The following LGR5 variants were observed in gnomAD, a reference collection of about 807,000 sequenced individuals.
LGR5 encodes leucine-rich repeat-containing G protein-coupled receptor 5.
A neutral mutation model predicts 76.7 loss-of-function variants in LGR5; 54 were observed. That is an observed-to-expected ratio of 0.70 (90% CI 0.57 to 0.88). The LOEUF (loss-of-function observed/expected upper bound fraction) is 0.88. Ranked by LOEUF, LGR5 falls within the 40% of genes least tolerant of loss-of-function variation. The pLI, the probability that LGR5 is intolerant of heterozygous loss-of-function variation, is 0.00. For missense variants in LGR5, 1,078 were observed against 1,073.3 expected (o/e 1.00, Z -0.06); for synonymous variants, 406 against 421.9 (o/e 0.96, Z 0.46).
intron 4 of LGR5, among the ~76,000 whole-genome samples, chr12:71,551,590 G>A (rs1592537199): frequency 6.6e-6 from 1 of 152,344 alleles, no homozygotes; most frequent in East Asian, 1.9e-4. Context: ...TAGTTTGAGT[G>A]ATGTTGGTTC....
intron 16 of LGR5, 123 bp downstream of exon 16, chr12:71,580,546 A>G: frequency 1.0e-6 from 1 of 995,652 alleles, no homozygotes; most frequent in Admixed American, 2.4e-5. Context: ...CTGTAATCCC[A>G]ACAGTTTGGG....
rs993031477 is a variant in LGR5 at position 71,585,991 on chromosome 12, A to G, written c.*1257A>G. 1 of 152,210 alleles carries G rather than the reference A, an allele frequency of 6.6e-6. No individual in the cohort carries two copies. The highest frequency in any genetic ancestry group is 2.4e-5 in the African/African-American group (1 of 41,456). The allele number at this position is 152,210 out of a possible 1,614,324, so 9.4% of individuals were successfully genotyped here. A position where few individuals can be genotyped will look rare whatever the true frequency, so the allele number is the denominator to read the frequency against. ...ATGGCTGTTAGGTAGATTTATTTTT[A>G]TATAAGCATGTTTATTTTGATCAGA... On this transcript the variant is annotated 3_prime_UTR_variant, in exon 18 of 18. Coordinates refer to ENST00000266674, the MANE Select transcript of LGR5 (RefSeq NM_003667.4).
intron 1 of LGR5, among the ~76,000 whole-genome samples, chr12:71,486,954 G>A (rs1873857116): frequency 6.6e-6 from 1 of 152,112 alleles, no homozygotes; most frequent in Non-Finnish European, 1.5e-5. Context: ...CTAAGTTAAG[G>A]ATTTCACTAG....
At chr12:71,494,120 C>CT (rs945394010) in intron 1 of LGR5, among the ~76,000 whole-genome samples, 2 of 136,682 alleles carry the variant, frequency 1.5e-5, no homozygotes, top group Non-Finnish European at 3.3e-5. Flanking sequence ...ATTTTTTATA[C>CT]TTTTTTTAGT....
rs1879189105 is a variant in LGR5, at chr12:71,583,742, G to T, written c.1732G>T (p.Val578Leu). ...TCTGGCACTTACTTGTAATGCTTTG[G>T]TGACTTCAACAGTTTTCAGATCCCC... Reference protein sequence around the residue: ...AVLALTCNALVTSTVFRSPLY... With the variant: ...AVLALTCNALLTSTVFRSPLY... The change falls in exon 18 of 18, where the codon GTG becomes TTG. Residue 578 changes from valine (V) to leucine (L), a missense_variant. Coordinates refer to ENST00000266674, the MANE Select transcript of LGR5 (RefSeq NM_003667.4). 14 of 1,614,126 alleles carry T rather than the reference G, an allele frequency of 8.7e-6. No individual in the cohort carries two copies. The highest frequency in any genetic ancestry group is 1.2e-5 in the Non-Finnish European group (14 of 1,180,016).
intron 1 of LGR5, among the ~76,000 whole-genome samples, chr12:71,466,284 A>G (rs1330171088): frequency 1.3e-5 from 2 of 152,248 alleles, no homozygotes; most frequent in Non-Finnish European, 2.9e-5. Flanking sequence ...TTACTTCTGT[A>G]TCATCAACTC....
chr12:71,451,930 C>G (rs1872267501), intron 1 of LGR5, among the ~76,000 whole-genome samples: 1 of 152,080 alleles, frequency 6.6e-6, no homozygotes, highest in African/African-American at 2.4e-5. Context: ...CTTTCCCAGG[C>G]TCTTTCAGGG....
chr12:71,575,479 T>A (rs1287171695), intron 13 of LGR5, among the ~76,000 whole-genome samples: 2 of 152,020 alleles, frequency 1.3e-5, no homozygotes, highest in African/African-American at 2.4e-5. Context: ...GAGGCTGAAG[T>A]GGGCAGAACA....
intron 2 of LGR5, among the ~76,000 whole-genome samples, chr12:71,523,269 C>T (rs531990277): frequency 2.6e-4 from 39 of 152,116 alleles, no homozygotes; most frequent in African/African-American, 9.2e-4. Flanking sequence ...CAAAGGTATA[C>T]ATTTGAGGCT....
Position 71,572,831 on chromosome 12 carries a change from T to G in LGR5, c.1137-19T>G, listed in dbSNP as rs753270973. The G allele has an allele frequency of 1.1e-5, 18 of 1,603,682 alleles. No homozygotes were observed. The Admixed American group carries it at 1.3e-4, about 12-fold the overall frequency. On this transcript the variant is annotated intron_variant, in intron 12 of 17. Coordinates refer to ENST00000266674, the MANE Select transcript of LGR5 (RefSeq NM_003667.4). Reference sequence around the variant, plus strand: ...AACCAGTAACTTTGAAATCAATCTTTGGAACCCTGTCATTTCAGTGACCTA... The same window carrying G: ...AACCAGTAACTTTGAAATCAATCTTGGGAACCCTGTCATTTCAGTGACCTA...
chr12:71,566,315 AC>A (rs1878336413), intron 8 of LGR5, 88 bp from the exon 9 acceptor site: 1 of 806,402 alleles, frequency 1.2e-6, no homozygotes, highest in Non-Finnish European at 2.1e-6. Context: ...TTACATAAGT[AC>A]ATTTACTGTA....
chr12:71,488,941 G>A (rs942790296), intron 1 of LGR5, among the ~76,000 whole-genome samples: 3 of 152,066 alleles, frequency 2.0e-5, no homozygotes, highest in Admixed American at 6.5e-5. Context: ...CCTATCTTTG[G>A]AAATCTGTCC....
chr12:71,508,381 C>A (rs1295795100), intron 2 of LGR5, among the ~76,000 whole-genome samples: 1 of 152,032 alleles, frequency 6.6e-6, no homozygotes, highest in Non-Finnish European at 1.5e-5. Flanking sequence ...CATGGCTAAG[C>A]CTTAACAAAG....
intron 1 of LGR5, among the ~76,000 whole-genome samples, chr12:71,457,437 A>G (rs1872528532): frequency 6.6e-6 from 1 of 152,184 alleles, no homozygotes. Flanking sequence ...CAAAGCTTTC[A>G]TGTTATTTCA....
intron 1 of LGR5, among the ~76,000 whole-genome samples, chr12:71,491,850 C>T (rs1408266282): frequency 1.3e-5 from 2 of 149,028 alleles, no homozygotes; most frequent in Non-Finnish European, 3.0e-5. Flanking sequence ...TTTGGAACCA[C>T]AGGAAATTTT....
chr12:71,545,998 T>C (rs1877138564), intron 4 of LGR5, among the ~76,000 whole-genome samples: 1 of 152,176 alleles, frequency 6.6e-6, no homozygotes, highest in Non-Finnish European at 1.5e-5. Context: ...AAAATGAGCT[T>C]ATTTTATTTG....
chr12:71,449,190 C>G (rs1872149734), intron 1 of LGR5, among the ~76,000 whole-genome samples: 1 of 152,124 alleles, frequency 6.6e-6, no homozygotes, highest in Non-Finnish European at 1.5e-5. Flanking sequence ...CTTTTCCCAC[C>G]AAGGGCGTCA....
At chr12:71,580,544 C>G in intron 16 of LGR5, 121 bp downstream of exon 16, 1 of 1,012,648 alleles carries the variant, frequency 9.9e-7, no homozygotes, top group Non-Finnish European at 1.5e-6. Context: ...ACCTGTAATC[C>G]CAACAGTTTG....
chr12:71,479,517 G>A (rs936707165), intron 1 of LGR5, among the ~76,000 whole-genome samples: 2 of 152,194 alleles, frequency 1.3e-5, no homozygotes, highest in Admixed American at 6.5e-5. Flanking sequence ...AGTAATGAAA[G>A]ATGTGACCAC....
Sources: allele counts gnomAD v4.1 joint callset (sites outside exome capture counted in the v4.1 genomes callset), GRCh38; gene constraint gnomAD v4.1.1; transcripts MANE v1.5; gene names NCBI Gene and HGNC (gene_info 2026-07-23, HGNC 2026-07-21).